Variants in NECAB2 observed in about 807,000 individuals in gnomAD.
The protein encoded by NECAB2 is N-terminal EF-hand calcium-binding protein 2.
NECAB2 carries 68 observed loss-of-function variants against 51.9 expected under a neutral mutation model. The ratio of observed to expected loss-of-function variants is 1.31; its 90% CI spans 1.08 to 1.60. NECAB2 has a LOEUF of 1.60. Ranked by LOEUF, NECAB2 falls within the 40% of genes most tolerant of loss-of-function variation. The probability of loss-of-function intolerance (pLI) is 0.00; values close to 1 mark genes in which losing one functional copy is unlikely to be tolerated. For missense variants in NECAB2, 854 were observed against 490.3 expected (o/e 1.74, Z -7.00); for synonymous variants, 329 against 203.5 (o/e 1.62, Z -5.25).
intron 3 of NECAB2, among the ~76,000 whole-genome samples, 175 bp from the exon 4 acceptor site, chr16:83,980,664 T>C (rs536936975): frequency 1.8e-4 from 28 of 152,018 alleles, no homozygotes; most frequent in African/African-American, 5.8e-4. Context: ...ACGTGGGCCT[T>C]CAGGGGCGGG....
At chr16:83,997,146 C>G in intron 8 of NECAB2, 70 bp from the exon 9 acceptor site, 3 of 1,596,974 alleles carry the variant, frequency 1.9e-6, no homozygotes, top group Non-Finnish European at 2.6e-6. Flanking sequence ...CCAGGGATCC[C>G]AGAGCTCCTG....
At chr16:83,999,316 C>T (rs2084775100) in intron 10 of NECAB2, among the ~76,000 whole-genome samples, 1 of 152,166 alleles carries the variant, frequency 6.6e-6, no homozygotes, top group Non-Finnish European at 1.5e-5. Context: ...TGCACAGGAG[C>T]AGGGGCCAGA....
intron 2 of NECAB2, among the ~76,000 whole-genome samples, chr16:83,977,246 C>T (rs1248345421): frequency 6.6e-6 from 1 of 152,130 alleles, no homozygotes; most frequent in African/African-American, 2.4e-5. Context: ...TCCCTCTTGT[C>T]TCTGACCTCC....
intron 3 of NECAB2, among the ~76,000 whole-genome samples, chr16:83,979,001 G>T (rs542773062): frequency 4.6e-5 from 7 of 152,172 alleles, no homozygotes; most frequent in African/African-American, 1.4e-4. Context: ...TCAACACTAC[G>T]TCTATCATTA....
At chr16:83,971,050 C>T (rs1206481230) in intron 1 of NECAB2, among the ~76,000 whole-genome samples, 4 of 151,506 alleles carry the variant, frequency 2.6e-5, no homozygotes, top group South Asian at 2.1e-4. Flanking sequence ...GCCAAGATCG[C>T]GCCACTGCAC....
rs1463080218 is a variant in NECAB2, at chr16:83,998,283, C to G, written c.928C>G (p.Leu310Val). 1.2e-6 allele frequency: 2 copies of G among 1,613,570 alleles called. No individual in the cohort carries two copies. Among genetic ancestry groups the G allele is most frequent in the South Asian group, 1.1e-5 (1 of 91,078 alleles). ...GTTTCTGGACTCTCTGCGCCAGTAT[C>G]TGCGGGGGACCACTGGCGTGAGGAA... The part of the protein sequence containing the change: ...SEFLDSLRQY[L>V]RGTTGVRNCF... The change falls in exon 10 of 13, where the codon CTG (leucine) becomes GTG (valine). Residue 310 changes from leucine (L) to valine (V), a missense_variant. Transcript: ENST00000305202.
intron 2 of NECAB2, among the ~76,000 whole-genome samples, chr16:83,975,687 G>A (rs2084400756): frequency 6.6e-6 from 1 of 152,090 alleles, no homozygotes; most frequent in African/African-American, 2.4e-5. Flanking sequence ...CATAAACTCA[G>A]GGGGTGGCAG....
chr16:83,986,954 G>A (rs575865035), intron 5 of NECAB2, among the ~76,000 whole-genome samples: 8 of 152,180 alleles, frequency 5.3e-5, no homozygotes, highest in South Asian at 2.1e-4. Context: ...TGTGGGTGAC[G>A]GGTACACTAG....
intron 11 of NECAB2, among the ~76,000 whole-genome samples, chr16:84,001,391 C>T (rs2151104210): frequency 6.6e-6 from 1 of 152,278 alleles, no homozygotes; most frequent in Admixed American, 6.5e-5. Context: ...TCACGGTTTG[C>T]TGACAAACTC....
chr16:84,000,780 A>C lies in NECAB2; in HGVS notation c.1019A>C (p.Glu340Ala), dbSNP rs2084814244. 1.2e-6 allele frequency: 2 copies of C among 1,613,664 alleles called. No individual in the cohort carries two copies. Among genetic ancestry groups the C allele is most frequent in the East Asian group, 4.5e-5 (2 of 44,868 alleles). Residue 340 changes from glutamate (E) to alanine (A), a missense_variant, in exon 11 of 13, where the codon GAG becomes GCG. By Grantham distance (107) the Glu-to-Ala change is moderately radical (BLOSUM62 -1). Coordinates refer to ENST00000305202, the MANE Select transcript of NECAB2 (RefSeq NM_019065.3). ...ACCTTTGTCATCTATGAGTTCTGGG[A>C]GACAGAGGAGGCGTGGAAGAGGTGA... ...GFTFVIYEFWETEEAWKRHLQ... is the reference protein window; with the variant it reads ...GFTFVIYEFWATEEAWKRHLQ...
chr16:83,979,453 G>A (rs1197011006), intron 3 of NECAB2, among the ~76,000 whole-genome samples: 1 of 152,190 alleles, frequency 6.6e-6, no homozygotes, highest in Non-Finnish European at 1.5e-5. Flanking sequence ...GGGGGGCACT[G>A]GCTGGGGACC....
intron 5 of NECAB2, 46 bp downstream of exon 5, chr16:83,981,173 C>T (rs60683281): frequency 0.022 from 33,355 of 1,528,356 alleles, 427 homozygotes; most frequent in Non-Finnish European, 0.026. Flanking sequence ...TCCAGTGCTG[C>T]TTCAGTTCCA....
intron 2 of NECAB2, among the ~76,000 whole-genome samples, chr16:83,976,563 G>A (rs997374279): frequency 1.3e-5 from 2 of 152,160 alleles, no homozygotes; most frequent in Non-Finnish European, 2.9e-5. Context: ...CACTTATCTC[G>A]TGGCTGACTT....
At position 83,982,218 on chromosome 16, in the gene NECAB2, C is replaced by T. The variant is rs77731134; in HGVS notation, c.459+1091C>T. Among the ~76,000 whole-genome samples, 108 of 152,242 alleles carry T rather than the reference C, an allele frequency of 7.1e-4. No individual in the cohort carries two copies. The East Asian group carries it at 0.01, about 14-fold the overall frequency. The stretch of plus-strand genomic sequence containing the variant: ...TTTCCCATGCTTCTCAGTTAGTGAC[C>T]GCCATGTATTAGACAGTCTCTGTTT... On this transcript the variant is annotated intron_variant, in intron 5 of 12. Transcript: ENST00000305202.
chr16:84,002,322 T>C lies in NECAB2; in HGVS notation c.1137T>C (p.Ala379=), dbSNP rs2084854365. The stretch of plus-strand genomic sequence containing the variant: ...AACGTGTCTCTCTCCTTTTAGCTGC[T>C]TGGTGCACGGTGGGACGGGACTGAC... The part of the protein sequence containing the change: ...EALSRILVPA[A]WCTVGRD Residue 379 remains alanine, a synonymous_variant, in exon 13 of 13, where the codon GCT becomes GCC. Coordinates refer to ENST00000305202, the MANE Select transcript of NECAB2 (RefSeq NM_019065.3). The C allele has an allele frequency of 6.2e-7, 1 of 1,613,954 alleles. No individual in the cohort carries two copies. Among genetic ancestry groups the C allele is most frequent in the East Asian group, 2.2e-5 (1 of 44,850 alleles).
intron 11 of NECAB2, among the ~76,000 whole-genome samples, chr16:84,001,211 C>T (rs556561339): frequency 4.0e-5 from 6 of 151,864 alleles, no homozygotes; most frequent in South Asian, 2.1e-4. Context: ...GTACGAGGGA[C>T]GGAGATGGGG....
At chr16:83,990,425 G>A in intron 5 of NECAB2, 69 bp from the exon 6 acceptor site, 1 of 1,582,896 alleles carries the variant, frequency 6.3e-7, no homozygotes, top group Non-Finnish European at 8.6e-7. Flanking sequence ...CCCAACTCCT[G>A]TGCTAGACCC....
rs768117883 is a variant in NECAB2 at position 83,994,682 on chromosome 16, G to GA, written c.790dup (p.Ser264LysfsTer15). ...TGGCAGAGCTGATTGGGAGGCTGGA[G>GA]AGCAAAGTAAGCCCTGGCCTGACCA... is the stretch of plus-strand genomic sequence containing the variant. On this transcript the variant is annotated frameshift_variant, in exon 8 of 13. Transcript: ENST00000305202. LOFTEE classifies it high-confidence loss of function. 1 of 1,614,072 alleles carries GA rather than the reference G, an allele frequency of 6.2e-7. No individual in the cohort carries two copies. Among genetic ancestry groups the GA allele is most frequent in the Non-Finnish European group, 8.5e-7 (1 of 1,180,020 alleles).
At chr16:83,999,595 C>G (rs570276353) in intron 10 of NECAB2, among the ~76,000 whole-genome samples, 1 of 152,112 alleles carries the variant, frequency 6.6e-6, no homozygotes, top group Admixed American at 6.6e-5. Flanking sequence ...CTTTTGGCCC[C>G]CGCTTTATGG....
Sources: gnomAD v4.1 joint callset for allele counts (sites outside exome capture counted in the v4.1 genomes callset) on GRCh38, gnomAD v4.1.1 for gene constraint, MANE v1.5 for transcripts, NCBI Gene and HGNC (gene_info 2026-07-23, HGNC 2026-07-21) for gene names.